The following SHTN1 variants were observed in gnomAD, a reference collection of about 807,000 sequenced individuals.
SHTN1 encodes the protein shootin 1, also known as shootin-1.
In SHTN1, 42 loss-of-function variants were observed where a neutral mutation model predicts 83.1. The observed-to-expected ratio is 0.51, with a 90% confidence interval of 0.39 to 0.65. SHTN1 has a LOEUF of 0.65. Among genes scored for constraint, SHTN1 ranks in the 30% least tolerant of loss-of-function variants. SHTN1 has a pLI of 0.00. For synonymous variants in SHTN1, 224 were observed against 247.7 expected, an observed-to-expected ratio of 0.90 and a Z score of 0.90; for missense variants, 622 against 737.8, an observed-to-expected ratio of 0.84 and a Z score of 1.82.
chr10:116,943,458 C>G (rs1360090407), intron 8 of SHTN1, among the ~76,000 whole-genome samples: 4 of 152,270 alleles, frequency 2.6e-5, no homozygotes, highest in Admixed American at 2.0e-4. Flanking sequence ...ATTATCCCTG[C>G]TTCCCCTCCC....
chr10:116,914,362 C>T (rs949504332), intron 13 of SHTN1, among the ~76,000 whole-genome samples: 1 of 152,004 alleles, frequency 6.6e-6, no homozygotes, highest in African/African-American at 2.4e-5. Context: ...GTTCCAGCTA[C>T]TTGGGAGGCT....
At chr10:117,044,796 TGA>T (rs1243078951) in intron 2 of SHTN1, among the ~76,000 whole-genome samples, 2 of 152,098 alleles carry the variant, frequency 1.3e-5, no homozygotes, top group African/African-American at 4.8e-5. Flanking sequence ...TGCCTAACAA[TGA>T]GAGACGATGA....
At chr10:117,053,571 C>T (rs1368559563) in intron 1 of SHTN1, among the ~76,000 whole-genome samples, 1 of 152,148 alleles carries the variant, frequency 6.6e-6, no homozygotes, top group Non-Finnish European at 1.5e-5. Context: ...GATACTATTT[C>T]ATACCCACTA....
chr10:116,966,304 G>A (rs1240246341), intron 3 of SHTN1, among the ~76,000 whole-genome samples: 1 of 152,142 alleles, frequency 6.6e-6, no homozygotes, highest in African/African-American at 2.4e-5. Flanking sequence ...CACTGCGCCT[G>A]GCCAAGTCCT....
intron 15 of SHTN1, among the ~76,000 whole-genome samples, chr10:116,904,149 A>G (rs1490706142): frequency 6.6e-6 from 1 of 152,172 alleles, no homozygotes; most frequent in Non-Finnish European, 1.5e-5. Flanking sequence ...TACTTTCCCA[A>G]AAGCCTTTCT....
intron 9 of SHTN1, among the ~76,000 whole-genome samples, chr10:116,936,984 C>T (rs749761669): frequency 4.6e-5 from 7 of 151,970 alleles, no homozygotes; most frequent in African/African-American, 9.7e-5. Flanking sequence ...AGGATTGCAA[C>T]CCCTGCTTTT....
chr10:117,124,225 A>T, intron 1 of SHTN1, among the ~76,000 whole-genome samples: 1 of 151,814 alleles, frequency 6.6e-6, no homozygotes, highest in East Asian at 1.9e-4. Context: ...AAAAAAAAAA[A>T]AAGCCAAACT....
At chr10:116,973,709 G>A in intron 2 of SHTN1, 1 of 325,096 alleles carries the variant, frequency 3.1e-6, no homozygotes, top group South Asian at 3.0e-5. Flanking sequence ...CATTTCCTAA[G>A]GAACGTACAG....
At chr10:116,895,944 C>T (rs1233743888) in intron 16 of SHTN1, among the ~76,000 whole-genome samples, 2 of 152,080 alleles carry the variant, frequency 1.3e-5, no homozygotes, top group Non-Finnish European at 2.9e-5. Flanking sequence ...AATACAGTAA[C>T]AACAACACAG....
chr10:116,889,229 G>A (rs547660681), intron 16 of SHTN1, among the ~76,000 whole-genome samples: 1 of 152,226 alleles, frequency 6.6e-6, no homozygotes, highest in East Asian at 1.9e-4. Flanking sequence ...GTGCTCTCTG[G>A]GCTCCACAGC....
At position 116,905,230 on chromosome 10, in the gene SHTN1, T is replaced by C. The variant is rs866763977; in HGVS notation, c.1480+1397A>G. On this transcript the variant is annotated intron_variant, in intron 15 of 16. Transcript: ENST00000355371. ...TCTCAAAAAAAAAAAAAAAAAAAAA[T>C]AGCAGTGTTTACATGAGCACTTTAA... 4.2e-3 allele frequency among the ~76,000 whole-genome samples: 559 copies of C among 134,034 alleles called. 2 individuals are homozygous for C. The highest frequency in any genetic ancestry group is 0.011 in the African/African-American group (401 of 34,922). 87.9% of individuals were successfully genotyped at this position (134,034 alleles called of 152,430 possible).
At chr10:116,978,708 TAAAAC>T (rs1157432095) in intron 2 of SHTN1, among the ~76,000 whole-genome samples, 2 of 152,070 alleles carry the variant, frequency 1.3e-5, no homozygotes, top group African/African-American at 2.4e-5. Flanking sequence ...ATTTAACAGT[TAAAAC>T]AAAACTGACA....
chr10:116,981,422 C>T (rs890437806), intron 1 of SHTN1, among the ~76,000 whole-genome samples: 2 of 152,280 alleles, frequency 1.3e-5, no homozygotes, highest in Non-Finnish European at 2.9e-5. Flanking sequence ...CCACACGCAC[C>T]GCAAGAACTA....
At chr10:117,111,440 C>T (rs1386517170) in intron 1 of SHTN1, among the ~76,000 whole-genome samples, 2 of 151,816 alleles carry the variant, frequency 1.3e-5, no homozygotes, top group Non-Finnish European at 2.9e-5. Context: ...ACTACAGGCA[C>T]GTGCCACCAC....
intron 2 of SHTN1, among the ~76,000 whole-genome samples, chr10:116,975,429 C>G (rs1258535445): frequency 6.6e-6 from 1 of 150,882 alleles, no homozygotes; most frequent in Admixed American, 6.6e-5. Flanking sequence ...TGTCCATTGC[C>G]CAGCCATGCT....
chr10:117,010,544 A>G (rs1286809117), upstream of SHTN1, among the ~76,000 whole-genome samples: 1 of 152,194 alleles, frequency 6.6e-6, no homozygotes, highest in Admixed American at 6.5e-5. Context: ...TTTCTAAAAC[A>G]CAAAAAAGGA....
intron 1 of SHTN1, among the ~76,000 whole-genome samples, chr10:116,983,301 G>A (rs1170081107): frequency 6.6e-6 from 1 of 152,064 alleles, no homozygotes; most frequent in Non-Finnish European, 1.5e-5. Context: ...TTTAAAACAT[G>A]TTAGCTATGG....
chr10:116,988,895 A>C (rs1851317318), intron 1 of SHTN1, among the ~76,000 whole-genome samples: 3 of 152,176 alleles, frequency 2.0e-5, no homozygotes, highest in Non-Finnish European at 4.4e-5. Flanking sequence ...GCAATCAATC[A>C]ATCAATAAAA....
chr10:117,101,158 G>C (rs1179121631), intron 1 of SHTN1, among the ~76,000 whole-genome samples: 1 of 152,176 alleles, frequency 6.6e-6, no homozygotes. Flanking sequence ...CTGAGAAAAG[G>C]CTAATATCCA....
Sources: allele counts gnomAD v4.1 joint callset (sites outside exome capture counted in the v4.1 genomes callset), GRCh38; gene constraint gnomAD v4.1.1; transcripts MANE v1.5; gene names NCBI Gene and HGNC (gene_info 2026-07-23, HGNC 2026-07-21).